TMTC2: variants seen among roughly 807,000 people sequenced by gnomAD.
The protein encoded by TMTC2 is transmembrane O-mannosyltransferase targeting cadherins 2, also known as protein O-mannosyl-transferase TMTC2.
In TMTC2, 43 loss-of-function variants were observed where a neutral mutation model predicts 82.4. The ratio of observed to expected loss-of-function variants is 0.52; its 90% CI spans 0.41 to 0.67. The LOEUF is 0.67. Among genes scored for constraint, TMTC2 ranks in the 30% least tolerant of loss-of-function variants. The pLI, the probability that TMTC2 is intolerant of heterozygous loss-of-function variation, is 0.00. For synonymous variants in TMTC2, 408 were observed against 381.9 expected (o/e 1.07, Z -0.80); for missense variants, 919 against 1,012.4 (o/e 0.91, Z 1.25).
At chr12:82,769,245 G>A (rs1291555518) in intron 1 of TMTC2, among the ~76,000 whole-genome samples, 1 of 151,874 alleles carries the variant, frequency 6.6e-6, no homozygotes, top group African/African-American at 2.4e-5. Context: ...GGCCGAGGCG[G>A]GTGAAACACC....
chr12:82,912,265 G>C (rs1164427306), intron 3 of TMTC2, among the ~76,000 whole-genome samples: 1 of 152,202 alleles, frequency 6.6e-6, no homozygotes, highest in Non-Finnish European at 1.5e-5. Flanking sequence ...GACAAGAACA[G>C]ATTACCCAGG....
chr12:82,822,391 T>C (rs1291760464), intron 1 of TMTC2, among the ~76,000 whole-genome samples: 1 of 152,200 alleles, frequency 6.6e-6, no homozygotes, highest in Non-Finnish European at 1.5e-5. Context: ...CTTGTACATG[T>C]GAGGGGCAGG....
At chr12:82,920,946 C>T (rs934841848) in intron 3 of TMTC2, among the ~76,000 whole-genome samples, 2 of 152,098 alleles carry the variant, frequency 1.3e-5, no homozygotes, top group African/African-American at 4.8e-5. Flanking sequence ...AATATGTTAA[C>T]AGGAAAATAT....
Position 82,687,295 on chromosome 12 carries a change from G to T in TMTC2, c.-292G>T, listed in dbSNP as rs55780747. On this transcript the variant is annotated 5_prime_UTR_variant, in exon 1 of 12. Transcript: ENST00000321196. ...GACCCGCGCGAAAGACCAGCCCTGC[G>T]CTTCCGCCGGGGGACGCGGAGCCCA... The T allele has an allele frequency of 0.13, 66,452 of 495,752 alleles. 5,124 individuals carry two copies. The highest frequency in any genetic ancestry group is 0.17 in the Non-Finnish European group (44,784 of 270,990). The allele number at this position is 495,752 out of a possible 1,614,324, so 30.7% of individuals were successfully genotyped here.
chr12:82,879,266 G>A (rs1013790923), intron 2 of TMTC2, among the ~76,000 whole-genome samples: 5 of 152,190 alleles, frequency 3.3e-5, no homozygotes, highest in Non-Finnish European at 5.9e-5. Flanking sequence ...GGTTTAGTGT[G>A]GTTTATAGCC....
chr12:82,967,874 A>G (rs1565832631), intron 7 of TMTC2, among the ~76,000 whole-genome samples: 1 of 152,142 alleles, frequency 6.6e-6, no homozygotes, highest in Non-Finnish European at 1.5e-5. Flanking sequence ...CATATAAAAT[A>G]AATGAGATTA....
chr12:82,860,867 T>C (rs1403361957), intron 2 of TMTC2, among the ~76,000 whole-genome samples: 2 of 152,220 alleles, frequency 1.3e-5, no homozygotes, highest in African/African-American at 4.8e-5. Flanking sequence ...CTTGTGAAGC[T>C]TGTAAACACT....
At chr12:82,820,631 T>A (rs752891590) in intron 1 of TMTC2, among the ~76,000 whole-genome samples, 2 of 152,188 alleles carry the variant, frequency 1.3e-5, no homozygotes, top group Non-Finnish European at 2.9e-5. Context: ...TGCCTCAGCC[T>A]CCCAAAGTGC....
intron 2 of TMTC2, among the ~76,000 whole-genome samples, chr12:82,862,989 T>C (rs1871626651): frequency 6.6e-6 from 1 of 152,230 alleles, no homozygotes; most frequent in Admixed American, 6.5e-5. Context: ...TGGCTTTCTC[T>C]ATAGAGAAGA....
intron 5 of TMTC2, 104 bp from the exon 6 acceptor site, chr12:82,965,456 T>C: frequency 2.4e-6 from 3 of 1,259,102 alleles, no homozygotes; most frequent in Non-Finnish European, 3.3e-6. Context: ...TTTTCTTTTT[T>C]AATGAGCACT....
rs546468635 is a variant in TMTC2 at position 82,730,747 on chromosome 12, C to G, written c.83+43078C>G. Among the ~76,000 whole-genome samples, 17 of 152,206 alleles carry G rather than the reference C, an allele frequency of 1.1e-4. No homozygotes were observed. In the South Asian group the frequency reaches 2.5e-3, roughly 22 times the overall value. On this transcript the variant is annotated intron_variant, in intron 1 of 11. Transcript: ENST00000321196. Reference sequence around the variant, plus strand: ...GCCATCTTGAAAAGAAAGTTGTGGCCGTACATCAATAACCTTACCTTATTG... The same window carrying G: ...GCCATCTTGAAAAGAAAGTTGTGGCGGTACATCAATAACCTTACCTTATTG...
chr12:82,883,124 T>C (rs547559081), intron 2 of TMTC2, among the ~76,000 whole-genome samples: 5 of 132,072 alleles, frequency 3.8e-5, no homozygotes, highest in Non-Finnish European at 8.2e-5. Context: ...GTCAAGCAAA[T>C]GAGCATTTTC....
chr12:82,807,391 C>A (rs576974449), intron 1 of TMTC2, among the ~76,000 whole-genome samples: 2 of 151,984 alleles, frequency 1.3e-5, no homozygotes, highest in African/African-American at 4.8e-5. Flanking sequence ...TAACTAGTTC[C>A]CTTTCATTCA....
At chr12:82,695,334 A>T (rs969521412) in intron 1 of TMTC2, among the ~76,000 whole-genome samples, 3 of 152,072 alleles carry the variant, frequency 2.0e-5, no homozygotes, top group Admixed American at 6.6e-5. Flanking sequence ...TTGGTTGCTT[A>T]TATGTATTCT....
At chr12:82,696,942 C>T (rs919477880) in intron 1 of TMTC2, among the ~76,000 whole-genome samples, 15 of 139,118 alleles carry the variant, frequency 1.1e-4, no homozygotes, top group Non-Finnish European at 4.6e-5. Context: ...CTTGCCAGCT[C>T]TCTTTCTACA....
At chr12:83,077,909 A>AG (rs1454666102) in intron 11 of TMTC2, among the ~76,000 whole-genome samples, 18 of 118,942 alleles carry the variant, frequency 1.5e-4, no homozygotes, top group African/African-American at 5.6e-4. Context: ...TTTTTTTAAC[A>AG]GGGGCCTCAG....
intron 1 of TMTC2, among the ~76,000 whole-genome samples, chr12:82,725,627 G>A (rs1874412255): frequency 6.6e-6 from 1 of 152,188 alleles, no homozygotes; most frequent in African/African-American, 2.4e-5. Flanking sequence ...CTGAGAACAT[G>A]TGCCAAGGTG....
chr12:82,713,677 C>A lies in TMTC2; in HGVS notation c.83+26008C>A, dbSNP rs535373494. Among the ~76,000 whole-genome samples, 359 of 152,308 alleles carry A rather than the reference C, an allele frequency of 2.4e-3. 1 individual carries two copies. The highest frequency in any genetic ancestry group is 4.0e-3 in the Non-Finnish European group (273 of 68,030). On this transcript the variant is annotated intron_variant, in intron 1 of 11. Transcript: ENST00000321196. ...ATGATTCAGTTACCTCCCACTGGGT[C>A]CCTCCCACAACACTTGGGAATTCAA...
At position 82,896,212 on chromosome 12, in the gene TMTC2, A is replaced by G; in HGVS notation, c.1049A>G (p.Asn350Ser). Residue 350 changes from asparagine (N) to serine (S), a missense_variant, in exon 3 of 12, where the codon AAT (asparagine) becomes AGT (serine). Asn to Ser is a conservative substitution (Grantham distance 46). Transcript: ENST00000321196. The part of the protein sequence containing the change: ...KTVTNGKQNA[N>S]GHSCLSDVEY... ...GTAACAAATGGCAAGCAGAATGCAAATGGACATAGCTGCCTTTCAGATGTG... is the reference window on the plus strand; with the variant it reads ...GTAACAAATGGCAAGCAGAATGCAAGTGGACATAGCTGCCTTTCAGATGTG... The G allele has an allele frequency of 4.3e-6, 7 of 1,614,090 alleles. No homozygotes were observed. The highest frequency in any genetic ancestry group is 5.9e-6 in the Non-Finnish European group (7 of 1,180,020).
Sources: gnomAD v4.1 joint callset for allele counts (sites outside exome capture counted in the v4.1 genomes callset) on GRCh38, gnomAD v4.1.1 for gene constraint, MANE v1.5 for transcripts, NCBI Gene and HGNC (gene_info 2026-07-23, HGNC 2026-07-21) for gene names.